The following CNTNAP2 variants were observed in gnomAD, a reference collection of about 807,000 sequenced individuals.
The protein encoded by CNTNAP2 is contactin associated protein 2.
Under a neutral mutation model 155.2 loss-of-function variants are expected in CNTNAP2, and 98 were observed. The observed-to-expected ratio is 0.63, with a 90% confidence interval of 0.54 to 0.75. CNTNAP2 has a LOEUF of 0.75. CNTNAP2 is among the 30% of genes least tolerant of loss of function. The pLI is 0.00. For missense variants in CNTNAP2, 1,727 were observed against 1,688.1 expected (o/e 1.02, Z -0.40); for synonymous variants, 651 against 631.2 (o/e 1.03, Z -0.47).
chr7:146,722,710 A>C (rs200860070), intron 1 of CNTNAP2, among the ~76,000 whole-genome samples: 44 of 146,258 alleles, frequency 3.0e-4, no homozygotes, highest in African/African-American at 1.0e-3. Flanking sequence ...CACACACACA[A>C]AATATATATA....
chr7:146,625,840 T>A (rs1177524390), intron 1 of CNTNAP2, among the ~76,000 whole-genome samples: 1 of 152,072 alleles, frequency 6.6e-6, no homozygotes, highest in Non-Finnish European at 1.5e-5. Context: ...AGGAATAATT[T>A]ATTCCCAGTG....
At position 147,377,324 on chromosome 7, in the gene CNTNAP2, G is replaced by A. The variant is rs570831854; in HGVS notation, c.1499-18285G>A. The stretch of plus-strand genomic sequence containing the variant: ...GAACATAATCCTAATCACAGTATTT[G>A]AAACTTACTTCTAATCACACCCTAT... On this transcript the variant is annotated intron_variant, in intron 9 of 23. Transcript: ENST00000361727. Among the ~76,000 whole-genome samples the A allele has an allele frequency of 2.6e-5, 4 of 151,580 alleles. No homozygotes were observed. The South Asian group carries it at 8.3e-4, about 31-fold the overall frequency.
At chr7:147,997,960 C>T (rs552345189) in intron 15 of CNTNAP2, among the ~76,000 whole-genome samples, 6 of 152,034 alleles carry the variant, frequency 3.9e-5, no homozygotes, top group East Asian at 3.9e-4. Context: ...AATCAAAGTG[C>T]GCATACTCTC....
At chr7:147,379,626 A>G (rs1796499309) in intron 9 of CNTNAP2, among the ~76,000 whole-genome samples, 1 of 152,100 alleles carries the variant, frequency 6.6e-6, no homozygotes, top group South Asian at 2.1e-4. Flanking sequence ...CATTCTCAAG[A>G]ATCATCATTT....
At chr7:146,808,357 C>T (rs576543285) in intron 2 of CNTNAP2, among the ~76,000 whole-genome samples, 2 of 152,262 alleles carry the variant, frequency 1.3e-5, no homozygotes, top group South Asian at 4.1e-4. Context: ...GTAAACTAAA[C>T]TGTAAAATGT....
chr7:148,035,097 G>T (rs969371983), intron 15 of CNTNAP2, among the ~76,000 whole-genome samples: 1 of 152,140 alleles, frequency 6.6e-6, no homozygotes, highest in African/African-American at 2.4e-5. Context: ...CATATAGTAA[G>T]ATTAGAGAGA....
chr7:146,532,991 A>T (rs183424952), intron 1 of CNTNAP2, among the ~76,000 whole-genome samples: 1 of 151,622 alleles, frequency 6.6e-6, no homozygotes, highest in African/African-American at 2.4e-5. Context: ...AATCCCAGCT[A>T]CTCAGGAGGC....
intron 10 of CNTNAP2, among the ~76,000 whole-genome samples, chr7:147,412,610 A>G (rs185669249): frequency 3.0e-4 from 45 of 152,298 alleles, no homozygotes; most frequent in Non-Finnish European, 5.7e-4. Flanking sequence ...TTGATACGCA[A>G]TATGTTCTAA....
At chr7:147,254,130 T>C (rs926567821) in intron 8 of CNTNAP2, among the ~76,000 whole-genome samples, 2 of 152,124 alleles carry the variant, frequency 1.3e-5, no homozygotes, top group African/African-American at 4.8e-5. Flanking sequence ...CCACAGGGCC[T>C]GTCTGTGAAA....
intron 1 of CNTNAP2, among the ~76,000 whole-genome samples, chr7:146,415,734 C>T (rs182401235): frequency 5.6e-4 from 85 of 152,106 alleles, no homozygotes; most frequent in Non-Finnish European, 3.8e-4. Flanking sequence ...CAAAGTCATG[C>T]TATTCCTTAT....
chr7:146,467,254 T>C (rs1191072032), intron 1 of CNTNAP2, among the ~76,000 whole-genome samples: 1 of 152,164 alleles, frequency 6.6e-6, no homozygotes, highest in Non-Finnish European at 1.5e-5. Context: ...ATGTAGAATG[T>C]TCTGGTAATT....
At chr7:148,166,730 G>A (rs761160462) in intron 17 of CNTNAP2, among the ~76,000 whole-genome samples, 5 of 152,232 alleles carry the variant, frequency 3.3e-5, no homozygotes, top group African/African-American at 4.8e-5. Flanking sequence ...ACTAATGTGC[G>A]TGAAGCCCTT....
At chr7:147,601,236 C>T (rs1270771348) in intron 12 of CNTNAP2, among the ~76,000 whole-genome samples, 2 of 152,072 alleles carry the variant, frequency 1.3e-5, no homozygotes, top group Non-Finnish European at 2.9e-5. Context: ...ACCAAACAGG[C>T]TTTGTGTGAG....
At chr7:146,514,946 T>C (rs757298802) in intron 1 of CNTNAP2, among the ~76,000 whole-genome samples, 1 of 152,080 alleles carries the variant, frequency 6.6e-6, no homozygotes, top group Non-Finnish European at 1.5e-5. Flanking sequence ...ACCTCAATCC[T>C]AGGTTTGCCA....
intron 13 of CNTNAP2, among the ~76,000 whole-genome samples, chr7:147,783,271 T>C (rs980423637): frequency 6.6e-6 from 1 of 152,216 alleles, no homozygotes; most frequent in East Asian, 1.9e-4. Context: ...TCCTTCAAAT[T>C]GTAGGCTTTT....
chr7:146,727,990 C>G (rs1322671861), intron 1 of CNTNAP2, among the ~76,000 whole-genome samples: 1 of 152,036 alleles, frequency 6.6e-6, no homozygotes, highest in Non-Finnish European at 1.5e-5. Context: ...TGTTGTTGCT[C>G]ACTAAGTAGA....
intron 6 of CNTNAP2, among the ~76,000 whole-genome samples, chr7:147,126,273 A>G (rs1284916297): frequency 6.6e-6 from 1 of 152,186 alleles, no homozygotes; most frequent in Non-Finnish European, 1.5e-5. Context: ...TTGAAAGCTA[A>G]CAAAATCGTT....
intron 13 of CNTNAP2, chr7:147,672,841 T>G (rs1795810811): frequency 1.3e-5 from 2 of 152,186 alleles, no homozygotes; most frequent in African/African-American, 2.4e-5. Flanking sequence ...TTCACAATGT[T>G]GCTGCTTCCG....
chr7:147,429,609 CT>C (rs1358608379), intron 10 of CNTNAP2, among the ~76,000 whole-genome samples: 1 of 151,904 alleles, frequency 6.6e-6, no homozygotes, highest in Non-Finnish European at 1.5e-5. Context: ...GTTGCATTTG[CT>C]TTTGGTTCTT....
Sources: gnomAD v4.1 joint callset for allele counts (sites outside exome capture counted in the v4.1 genomes callset) on GRCh38, gnomAD v4.1.1 for gene constraint, MANE v1.5 for transcripts, NCBI Gene and HGNC (gene_info 2026-07-23, HGNC 2026-07-21) for gene names.